MICAL3: variants seen among roughly 807,000 people sequenced by gnomAD.
The protein encoded by MICAL3 is microtubule associated monooxygenase, calponin and LIM domain containing 3, also known as [F-actin]-monooxygenase MICAL3.
MICAL3 carries 62 observed loss-of-function variants against 207.4 expected under a neutral mutation model. The observed-to-expected ratio is 0.30, with a 90% CI of 0.24 to 0.37. The LOEUF (loss-of-function observed/expected upper bound fraction) is 0.37. MICAL3 is among the 10% of genes least tolerant of loss of function. MICAL3 has a pLI of 1.00. For synonymous variants in MICAL3, 1,077 were observed against 1,069.3 expected (o/e 1.01, Z -0.14); for missense variants, 2,368 against 2,635.6 (o/e 0.90, Z 2.22).
chr22:17,901,196 G>A (rs1931290543), intron 5 of MICAL3, among the ~76,000 whole-genome samples, 199 bp from the exon 6 acceptor site: 2 of 152,164 alleles, frequency 1.3e-5, no homozygotes, highest in Admixed American at 1.3e-4. Context: ...AGAAGTCAAA[G>A]TCTCCATTAA....
intron 1 of MICAL3, among the ~76,000 whole-genome samples, chr22:18,013,157 A>G (rs1440561982): frequency 2.0e-5 from 3 of 152,222 alleles, no homozygotes; most frequent in Non-Finnish European, 2.9e-5. Flanking sequence ...CCCTGAAGAA[A>G]GAAGGCAGTT....
chr22:17,988,980 T>C lies in MICAL3; in HGVS notation c.-75+35301A>G, dbSNP rs145029058. ...CTCATGGAACCTAAAACATTTACCT[T>C]CCGGCCTTTTACAGAAACAAATTTG... On this transcript the variant is annotated intron_variant, in intron 1 of 31. Transcript: ENST00000441493. Among the ~76,000 whole-genome samples the C allele has an allele frequency of 5.3e-3, 803 of 152,240 alleles. 11 individuals carry two copies. The highest frequency in any genetic ancestry group is 0.014 in the African/African-American group (578 of 41,550).
chr22:17,969,383 C>T (rs970147520), intron 1 of MICAL3, among the ~76,000 whole-genome samples: 6 of 152,246 alleles, frequency 3.9e-5, no homozygotes, highest in African/African-American at 9.6e-5. Flanking sequence ...CTCTAAGGGA[C>T]GAGAAAGAAA....
chr22:17,889,432 A>G (rs1930213581), intron 12 of MICAL3, among the ~76,000 whole-genome samples: 2 of 152,000 alleles, frequency 1.3e-5, no homozygotes, highest in African/African-American at 2.4e-5. Flanking sequence ...CAACCTCAGG[A>G]AGTGATGAAA....
chr22:17,927,600 G>A (rs949401369), intron 1 of MICAL3, among the ~76,000 whole-genome samples: 9 of 152,104 alleles, frequency 5.9e-5, no homozygotes, highest in South Asian at 2.1e-4. Flanking sequence ...CTCAGCCCCC[G>A]ACATCTGCCT....
intron 1 of MICAL3, among the ~76,000 whole-genome samples, chr22:17,949,450 C>G (rs757398086): frequency 6.6e-6 from 1 of 152,140 alleles, no homozygotes; most frequent in Non-Finnish European, 1.5e-5. Context: ...ACACAGTGAG[C>G]GACAAAGCAG....
At chr22:17,994,889 C>G (rs1024891509) in intron 1 of MICAL3, among the ~76,000 whole-genome samples, 2 of 152,114 alleles carry the variant, frequency 1.3e-5, no homozygotes. Flanking sequence ...ACCGAATCTC[C>G]TGCCAGAGTT....
intron 1 of MICAL3, among the ~76,000 whole-genome samples, chr22:17,991,332 T>G (rs564884202): frequency 3.3e-5 from 5 of 152,368 alleles, no homozygotes; most frequent in Non-Finnish European, 5.9e-5. Flanking sequence ...GATATCAGAC[T>G]GCCTAAAATA....
rs183154647 is a variant in MICAL3 at position 17,935,097 on chromosome 22, C to A, written c.-74-28211G>T. Among the ~76,000 whole-genome samples the A allele has an allele frequency of 8.2e-3, 1,255 of 152,150 alleles. 16 individuals are homozygous for A. The highest frequency in any genetic ancestry group is 0.028 in the African/African-American group (1,178 of 41,514). On this transcript the variant is annotated intron_variant, in intron 1 of 31. Transcript: ENST00000441493. ...AAACTACTTTAAAGTTCATATGGAA[C>A]CAAAAAAGAGCCCGCATTGCCAAGA...
intron 5 of MICAL3, among the ~76,000 whole-genome samples, chr22:17,901,286 G>A (rs1931297209): frequency 2.0e-5 from 3 of 152,182 alleles, no homozygotes; most frequent in South Asian, 2.1e-4. Flanking sequence ...CGTGGGGGGA[G>A]CACCTGCTTA....
At chr22:17,958,976 G>A (rs1452173190) in intron 1 of MICAL3, among the ~76,000 whole-genome samples, 2 of 148,588 alleles carry the variant, frequency 1.3e-5, no homozygotes, top group Non-Finnish European at 3.0e-5. Context: ...AAAGTGCTGG[G>A]ATTACAGGCA....
chr22:17,874,780 C>A (rs372415728), intron 16 of MICAL3, among the ~76,000 whole-genome samples: 1 of 151,798 alleles, frequency 6.6e-6, no homozygotes, highest in African/African-American at 2.4e-5. Context: ...CCAGTAGGAG[C>A]GGCAAAGAGA....
chr22:17,955,501 T>C (rs1446059501), intron 1 of MICAL3, among the ~76,000 whole-genome samples: 1 of 152,216 alleles, frequency 6.6e-6, no homozygotes, highest in African/African-American at 2.4e-5. Flanking sequence ...AGCCAAGGCC[T>C]TGGAGGAAGC....
chr22:17,817,276 G>A (rs779570983), intron 26 of MICAL3, 35 bp downstream of exon 26: 53 of 1,543,972 alleles, frequency 3.4e-5, no homozygotes, highest in East Asian at 1.4e-4. Flanking sequence ...CACCCCTCCC[G>A]CTCTGCCTGC....
chr22:18,000,559 GTC>G (rs1922843589), intron 1 of MICAL3, among the ~76,000 whole-genome samples: 1 of 152,210 alleles, frequency 6.6e-6, no homozygotes, highest in Non-Finnish European at 1.5e-5. Flanking sequence ...CAGGCGGAGG[GTC>G]TCGCTGCGGC....
At chr22:17,882,644 G>A (rs892346391) in intron 16 of MICAL3, among the ~76,000 whole-genome samples, 2 of 152,156 alleles carry the variant, frequency 1.3e-5, no homozygotes, top group Non-Finnish European at 2.9e-5. Context: ...TGTGAGTTCC[G>A]GTTCACAGTG....
intron 1 of MICAL3, among the ~76,000 whole-genome samples, chr22:17,961,349 T>C (rs1288838229): frequency 6.6e-6 from 1 of 152,166 alleles, no homozygotes; most frequent in Non-Finnish European, 1.5e-5. Flanking sequence ...TGGGTCCTAC[T>C]AGAGGCAGCA....
At chr22:17,872,641 C>G (rs745542467) in intron 16 of MICAL3, 1 of 722,372 alleles carries the variant, frequency 1.4e-6, no homozygotes, top group Non-Finnish European at 2.5e-6. Context: ...AAGCAATTAC[C>G]GCATAGCATA....
At chr22:17,972,042 T>TAAAA (rs1383284841) in intron 1 of MICAL3, among the ~76,000 whole-genome samples, 1 of 152,198 alleles carries the variant, frequency 6.6e-6, no homozygotes, top group Non-Finnish European at 1.5e-5. Context: ...CCTTGCTTTT[T>TAAAA]CCTACATCTT....
Sources: gnomAD v4.1 joint callset for allele counts (sites outside exome capture counted in the v4.1 genomes callset) on GRCh38, gnomAD v4.1.1 for gene constraint, MANE v1.5 for transcripts, NCBI Gene and HGNC (gene_info 2026-07-23, HGNC 2026-07-21) for gene names.